IRAG2: variants seen among roughly 807,000 people sequenced by gnomAD.
IRAG2 encodes lymphoid restricted membrane protein.
Under a neutral mutation model 69.9 loss-of-function variants are expected in IRAG2, and 45 were observed. The ratio of observed to expected loss-of-function variants is 0.64; its 90% CI spans 0.51 to 0.83. The LOEUF (loss-of-function observed/expected upper bound fraction) is 0.83. Ranked by LOEUF, IRAG2 falls within the 40% of genes least tolerant of loss-of-function variation. IRAG2 has a pLI of 0.00. For synonymous variants in IRAG2, 193 were observed against 202.4 expected, an observed-to-expected ratio of 0.95 and a Z score of 0.40; for missense variants, 520 against 587.0, an observed-to-expected ratio of 0.89 and a Z score of 1.18.
chr12:25,057,403 C>T (rs930812204), intron 1 of IRAG2, among the ~76,000 whole-genome samples: 6 of 151,594 alleles, frequency 4.0e-5, no homozygotes, highest in Admixed American at 6.6e-5. Context: ...GGACTATAGG[C>T]GAGCACCACT....
At chr12:25,035,915 C>A in intron 14 of IRAG2, 1 of 396,750 alleles carries the variant, frequency 2.5e-6, no homozygotes. Flanking sequence ...TTAATACACT[C>A]TGAAAAGCGA....
intron 6 of IRAG2, among the ~76,000 whole-genome samples, chr12:25,078,981 T>C (rs756681576): frequency 2.0e-5 from 3 of 152,226 alleles, no homozygotes; most frequent in Non-Finnish European, 2.9e-5. Flanking sequence ...GAGTTTAGAA[T>C]TTGTTTTGCC....
chr12:25,059,094 C>T (rs1357908908), intron 1 of IRAG2, among the ~76,000 whole-genome samples: 1 of 152,154 alleles, frequency 6.6e-6, no homozygotes. Flanking sequence ...AGCTCATCAT[C>T]GCTTCTGAAA....
chr12:25,081,380 C>T (rs982099879), intron 9 of IRAG2, among the ~76,000 whole-genome samples: 1 of 152,184 alleles, frequency 6.6e-6, no homozygotes, highest in Non-Finnish European at 1.5e-5. Context: ...AGGAGAATGG[C>T]GTGAACCCGG....
At chr12:24,999,018 T>C in the IRAG2 span, among the ~76,000 whole-genome samples, 1 of 152,234 alleles carries the variant, frequency 6.6e-6, no homozygotes, top group Non-Finnish European at 1.5e-5. Flanking sequence ...TACCTCTGTA[T>C]ACATCATATG....
chr12:25,092,204 A>G (rs1948109615), intron 14 of IRAG2, among the ~76,000 whole-genome samples: 1 of 151,454 alleles, frequency 6.6e-6, no homozygotes, highest in Admixed American at 6.6e-5. Flanking sequence ...GTTTGAGACC[A>G]GCCTGGCCAA....
At chr12:25,072,215 A>T (rs1000877226) in intron 6 of IRAG2, among the ~76,000 whole-genome samples, 2 of 152,140 alleles carry the variant, frequency 1.3e-5, no homozygotes, top group African/African-American at 2.4e-5. Context: ...AAAAGAAAAA[A>T]AAAGAAAGAA....
In IRAG2 at chr12:25,052,830, GA is replaced by G. The variant is rs1352363936; in HGVS notation, c.-568del. ...AGATCGAGAAGCCCACACTGCCAGT[GA>G]AAAAGCTACGTCTTTACTGCATAAA... is the stretch of plus-strand genomic sequence containing the variant. On this transcript the variant is annotated 5_prime_UTR_variant, in exon 1 of 22. An upstream open reading frame in the 5' UTR gains an earlier in-frame stop. Transcript: ENST00000556887. The G allele has an allele frequency of 2.5e-6, 1 of 398,520 alleles. No homozygotes were observed. Among genetic ancestry groups the G allele is most frequent in the African/African-American group, 2.1e-5 (1 of 48,634 alleles). The allele number at this position is 398,520 out of a possible 1,614,324, so 24.7% of individuals were successfully genotyped here. A position where few individuals can be genotyped will look rare whatever the true frequency, so the allele number is the denominator to read the frequency against.
At chr12:25,025,816 TTTCTTCTGGTTGTTTCTAGTG>T (rs769686112) in intron 8 of IRAG2, among the ~76,000 whole-genome samples, 3 of 152,174 alleles carry the variant, frequency 2.0e-5, no homozygotes, top group Non-Finnish European at 4.4e-5. Flanking sequence ...AGAAGGAAAT[TTTCTTCTGGTTGTTTCTAGTG>T]TCTCAGTGAA....
At chr12:25,045,848 T>TAAAAAAAAAAAA (rs71063392) in intron 16 of IRAG2, among the ~76,000 whole-genome samples, 2 of 131,568 alleles carry the variant, frequency 1.5e-5, no homozygotes, top group Non-Finnish European at 1.6e-5. Flanking sequence ...AAATAAAAGA[T>TAAAAAAAAAAAA]AAAAAAAAAA....
intron 19 of IRAG2, 21 bp downstream of exon 19, chr12:25,104,079 C>T (rs563252235): frequency 3.7e-6 from 6 of 1,608,224 alleles, no homozygotes; most frequent in South Asian, 1.1e-5. Flanking sequence ...TTTTATGGTT[C>T]CTCTTTGGGA....
At chr12:25,097,087 A>C in intron 15 of IRAG2, 43 bp downstream of exon 15, 6 of 1,547,520 alleles carry the variant, frequency 3.9e-6, no homozygotes, top group Non-Finnish European at 5.2e-6. Context: ...AATTACAAAA[A>C]AGATTCACTT....
chr12:25,073,434 G>T (rs1416147660), intron 6 of IRAG2, among the ~76,000 whole-genome samples: 1 of 152,186 alleles, frequency 6.6e-6, no homozygotes, highest in Non-Finnish European at 1.5e-5. Context: ...CACTCAATTA[G>T]CTTACTGCTT....
chr12:25,022,803 T>C (rs568243937), intron 7 of IRAG2, among the ~76,000 whole-genome samples: 2 of 152,304 alleles, frequency 1.3e-5, no homozygotes, highest in South Asian at 4.1e-4. Context: ...TAAAAGCACA[T>C]GATGTTATTT....
intron 4 of IRAG2, among the ~76,000 whole-genome samples, chr12:25,065,670 C>T (rs191181354): frequency 1.1e-4 from 16 of 152,210 alleles, no homozygotes; most frequent in Admixed American, 6.5e-4. Context: ...TGGGTGCAGC[C>T]GTGTTCCAGT....
At chr12:25,008,291 A>T (rs1010072106) in intron 2 of IRAG2, among the ~76,000 whole-genome samples, 3 of 152,064 alleles carry the variant, frequency 2.0e-5, no homozygotes, top group Non-Finnish European at 4.4e-5. Context: ...GATTCTCTTT[A>T]CCTACCAGTT....
At chr12:25,007,239 A>C (rs1944440122) in intron 2 of IRAG2, among the ~76,000 whole-genome samples, 1 of 152,242 alleles carries the variant, frequency 6.6e-6, no homozygotes, top group South Asian at 2.1e-4. Flanking sequence ...ATCCACAAAT[A>C]TTTCAGTACA....
intron 10 of IRAG2, 84 bp downstream of exon 10, chr12:25,083,577 A>G (rs1947370209): frequency 1.3e-6 from 1 of 783,170 alleles, no homozygotes; most frequent in South Asian, 1.6e-5. Flanking sequence ...TCTTAAAAGT[A>G]TTATCTCATT....
chr12:25,002,646 T>TC (rs5797112), upstream of IRAG2, among the ~76,000 whole-genome samples: 13,797 of 145,882 alleles, frequency 0.095, 762 homozygotes, highest in East Asian at 0.18. Flanking sequence ...TTCTTCTTCT[T>TC]TTCTTTTTTT....
Sources: allele counts gnomAD v4.1 joint callset (sites outside exome capture counted in the v4.1 genomes callset), GRCh38; gene constraint gnomAD v4.1.1; transcripts MANE v1.5; gene names NCBI Gene and HGNC (gene_info 2026-07-23, HGNC 2026-07-21).